Variants in DNAH2 observed in about 807,000 individuals in gnomAD.
The protein encoded by DNAH2 is dynein axonemal heavy chain 2, also known as axonemal beta dynein heavy chain 2.
In DNAH2, 323 loss-of-function variants were observed where a neutral mutation model predicts 523.5. The ratio of observed to expected loss-of-function variants is 0.62; its 90% CI spans 0.56 to 0.68. DNAH2 has a LOEUF of 0.68. DNAH2 is among the 30% of genes least tolerant of loss of function. The pLI is 0.00. For synonymous variants in DNAH2, 2,093 were observed against 2,177.4 expected (o/e 0.96, Z 1.08); for missense variants, 4,907 against 5,701.5 (o/e 0.86, Z 4.49).
intron 12 of DNAH2, chr17:7,743,558 T>G (rs1031748121): frequency 3.5e-5 from 20 of 572,136 alleles, no homozygotes; most frequent in Non-Finnish European, 5.0e-5. Context: ...CTCAGCTACT[T>G]GGGAGGGTGA....
In DNAH2 at chr17:7,786,751, T is replaced by G; in HGVS notation, c.6466+64T>G. ...GAGTCTCCTAAGGGGGCAGGGAGTC[T>G]GGGGATAGGAAGTTCCAAGTTGGGA... On this transcript the variant is annotated intron_variant, in intron 41 of 85. Transcript: ENST00000572933. The surrounding 1 kb of genome is among the most constrained non-coding windows in gnomAD (Gnocchi z 7.5). The G allele has an allele frequency of 1.2e-6, 2 of 1,600,278 alleles. No individual in the cohort carries two copies. The highest frequency in any genetic ancestry group is 2.2e-5 in the South Asian group (2 of 90,354).
At chr17:7,815,120 T>C (rs983270642) in intron 63 of DNAH2, among the ~76,000 whole-genome samples, 4 of 152,240 alleles carry the variant, frequency 2.6e-5, no homozygotes, top group Admixed American at 6.5e-5. Flanking sequence ...TGGCCCTCCA[T>C]GTTGTTTTAA....
chr17:7,799,678 T>G (rs2077168935), intron 56 of DNAH2, among the ~76,000 whole-genome samples: 1 of 151,996 alleles, frequency 6.6e-6, no homozygotes, highest in Non-Finnish European at 1.5e-5. Flanking sequence ...TAGCCAGGCA[T>G]GGTGGCGGGG....
intron 44 of DNAH2, among the ~76,000 whole-genome samples, chr17:7,789,251 C>T (rs1392553005): frequency 6.6e-6 from 1 of 152,194 alleles, no homozygotes; most frequent in Non-Finnish European, 1.5e-5. Flanking sequence ...ATCAATGGCC[C>T]ACAGATGTCA....
chr17:7,788,104 C>A lies in DNAH2; in HGVS notation c.6760C>A (p.Gln2254Lys). The A allele has an allele frequency of 6.2e-7, 1 of 1,614,202 alleles. No individual in the cohort carries two copies. The highest frequency in any genetic ancestry group is 1.6e-4 in the Middle Eastern group (1 of 6,062). The change falls in exon 44 of 86, where the codon CAA (glutamine) becomes AAA (lysine). Residue 2254 changes from glutamine to lysine, a missense_variant. Coordinates refer to ENST00000572933, the MANE Select transcript of DNAH2 (RefSeq NM_020877.5). ...KRPKAEVEPL[Q>K]RMFEKLINKM... Reference sequence around the variant, plus strand: ...ACTCCAGGCTGAGGTGGAGCCCCTTCAACGCATGTTCGAAAAGCTCATCAA... The same window carrying A: ...ACTCCAGGCTGAGGTGGAGCCCCTTAAACGCATGTTCGAAAAGCTCATCAA...
At position 7,748,535 on chromosome 17, in the gene DNAH2, A is replaced by G. The variant is rs9914593; in HGVS notation, c.1904+5393A>G. ...TTTTGAGACAAGGTCTCACTGTGTT[A>G]CCCAGGCTGGAGTGCACTGGTGCAA... is the stretch of plus-strand genomic sequence containing the variant. On this transcript the variant is annotated intron_variant, in intron 12 of 85. Coordinates refer to ENST00000572933, the MANE Select transcript of DNAH2 (RefSeq NM_020877.5). 9.7e-3 allele frequency among the ~76,000 whole-genome samples: 1,473 copies of G among 152,236 alleles called. 19 individuals carry two copies. The highest frequency in any genetic ancestry group is 0.034 in the African/African-American group (1,427 of 41,534).
intron 10 of DNAH2, 67 bp from the exon 11 acceptor site, chr17:7,740,743 G>T: frequency 1.9e-6 from 3 of 1,564,198 alleles, no homozygotes; most frequent in Non-Finnish European, 2.6e-6. Context: ...GCTTTCCTCT[G>T]GGATGAGTGA....
At chr17:7,728,141 A>G (rs753942797) in intron 4 of DNAH2, among the ~76,000 whole-genome samples, 15 of 152,264 alleles carry the variant, frequency 9.9e-5, no homozygotes, top group African/African-American at 3.6e-4. Context: ...TAGATAGATA[A>G]CTATTTCAAC....
chr17:7,797,335 A>G, intron 51 of DNAH2, 65 bp from the exon 52 acceptor site: 3 of 1,613,378 alleles, frequency 1.9e-6, no homozygotes, highest in Non-Finnish European at 2.5e-6. Flanking sequence ...TCCCAGCCTG[A>G]CACTGCCTTC....
At position 7,764,038 on chromosome 17, in the gene DNAH2, G is replaced by C. The variant is rs2076082611; in HGVS notation, c.3179+7G>C. 1 of 1,612,786 alleles carries C rather than the reference G, an allele frequency of 6.2e-7. No homozygotes were observed. Among genetic ancestry groups the C allele is most frequent in the Non-Finnish European group, 8.5e-7 (1 of 1,179,070 alleles). ...TGAAGGAGAACGCAGAGAAGTGCGGGCTGGGGCGCCCCACAGGAAGGGGGC... is the reference window on the plus strand; with the variant it reads ...TGAAGGAGAACGCAGAGAAGTGCGGCCTGGGGCGCCCCACAGGAAGGGGGC... On this transcript the variant is annotated splice_region_variant and intron_variant, in intron 19 of 85. Transcript: ENST00000572933.
rs934551080 is a variant in DNAH2, at chr17:7,786,252, G to A, written c.6258G>A (p.Thr2086=). The change falls in exon 40 of 86, where the codon ACG becomes ACA. Residue 2086 remains threonine (T), a synonymous_variant. Transcript: ENST00000572933. This position sits in a 1 kb window ranked among gnomAD's most constrained non-coding sequence, Gnocchi z 7.5. ...ACTCCACCATGATCGTGGGCTGCAC[G>A]GGCAGCGGCAAGACTGCCTCATGGC... ...SRHSTMIVGC[T]GSGKTASWRI... 6 of 1,613,930 alleles carry A rather than the reference G, an allele frequency of 3.7e-6. No homozygotes were observed. The highest frequency in any genetic ancestry group is 1.1e-5 in the South Asian group (1 of 91,076).
At chr17:7,806,475 G>A (rs1320436186) in intron 61 of DNAH2, among the ~76,000 whole-genome samples, 1 of 151,870 alleles carries the variant, frequency 6.6e-6, no homozygotes, top group Non-Finnish European at 1.5e-5. Context: ...GGCTAACACG[G>A]TGAAACCCTG....
intron 5 of DNAH2, 85 bp from the exon 6 acceptor site, chr17:7,734,098 C>G (rs2075070273): frequency 8.5e-7 from 1 of 1,174,400 alleles, no homozygotes; most frequent in East Asian, 2.6e-5. Flanking sequence ...CTTCCTGGTC[C>G]CCTACCGATC....
chr17:7,792,014 G>A lies in DNAH2; in HGVS notation c.6998G>A (p.Gly2333Asp), dbSNP rs2076910910. The change falls in exon 45 of 86, where the codon GGC becomes GAC. Residue 2333 changes from glycine (G) to aspartate (D), a missense_variant. By Grantham distance (94) the Gly-to-Asp change is moderately conservative. Around this residue, in one of 3 missense-constraint regions of DNAH2, gnomAD observed 2,806 missense variants for 3,190.8 expected, o/e 0.88. Coordinates refer to ENST00000572933, the MANE Select transcript of DNAH2 (RefSeq NM_020877.5). The part of the protein sequence containing the change: ...WSVCASVDEE[G>D]RKRIDSYLRE... ...GTGTGTGCCTCTGTGGATGAGGAGG[G>A]CCGGAAGAGGATCGACAGCTACCTC... The A allele has an allele frequency of 1.2e-6, 2 of 1,614,012 alleles. No homozygotes were observed. The highest frequency in any genetic ancestry group is 8.5e-7 in the Non-Finnish European group (1 of 1,180,006).
At chr17:7,730,678 G>C (rs1185810470) in intron 4 of DNAH2, among the ~76,000 whole-genome samples, 4 of 152,092 alleles carry the variant, frequency 2.6e-5, no homozygotes, top group African/African-American at 9.7e-5. Context: ...AAGAAAACTG[G>C]CCTGGACTAT....
At chr17:7,741,282 CTTTCTTTCT>C (rs2075321947) in intron 11 of DNAH2, among the ~76,000 whole-genome samples, 1 of 59,304 alleles carries the variant, frequency 1.7e-5, no homozygotes, top group Admixed American at 1.9e-4. Flanking sequence ...TTCTTTCTTT[CTTTCTTTCT>C]TTCTTCCTTC....
At chr17:7,730,984 G>A (rs765488246) in intron 4 of DNAH2, among the ~76,000 whole-genome samples, 3 of 151,208 alleles carry the variant, frequency 2.0e-5, no homozygotes, top group Admixed American at 6.6e-5. Flanking sequence ...TGGGCGTGGC[G>A]GTGTGCACCT....
intron 7 of DNAH2, among the ~76,000 whole-genome samples, chr17:7,735,044 A>G (rs965710259): frequency 6.6e-6 from 1 of 152,288 alleles, no homozygotes; most frequent in Non-Finnish European, 1.5e-5. Context: ...AGGAATTACA[A>G]GATAAATACC....
chr17:7,790,064 T>C (rs2076855319), intron 44 of DNAH2, among the ~76,000 whole-genome samples: 1 of 152,194 alleles, frequency 6.6e-6, no homozygotes, highest in Admixed American at 6.5e-5. Flanking sequence ...GTTTGAAGGA[T>C]GCCGAGTTTG....
Sources: gnomAD v4.1 joint callset for allele counts (sites outside exome capture counted in the v4.1 genomes callset) on GRCh38, gnomAD v4.1.1 for gene constraint, gnomAD v4.1.1 regional missense constraint, Gnocchi (gnomAD v3.1) non-coding constraint, MANE v1.5 for transcripts, NCBI Gene and HGNC (gene_info 2026-07-23, HGNC 2026-07-21) for gene names.